The following TSPEAR variants were observed in gnomAD, a reference collection of about 807,000 sequenced individuals.
TSPEAR encodes the protein thrombospondin type laminin G domain and EAR repeats, also known as thrombospondin-type laminin G domain and EAR repeat-containing protein.
In TSPEAR, 69 loss-of-function variants were observed where a neutral mutation model predicts 71.6. The observed-to-expected ratio is 0.96, with a 90% CI of 0.79 to 1.18. TSPEAR has a LOEUF of 1.18. Ranked by LOEUF, TSPEAR falls within the 50% of genes most tolerant of loss-of-function variation. The probability of loss-of-function intolerance (pLI) is 0.00; values close to 1 mark genes in which losing one functional copy is unlikely to be tolerated. For synonymous variants in TSPEAR, 402 were observed against 387.2 expected (o/e 1.04, Z -0.45); for missense variants, 971 against 894.9 (o/e 1.09, Z -1.09).
intron 1 of TSPEAR, among the ~76,000 whole-genome samples, chr21:44,586,448 T>A (rs184093041): frequency 4.1e-4 from 62 of 152,210 alleles, no homozygotes; most frequent in African/African-American, 1.2e-3. Flanking sequence ...ACAGAGGGCT[T>A]AGGCTTTTAA....
chr21:44,675,710 G>A (rs1291716203), intron 1 of TSPEAR, among the ~76,000 whole-genome samples: 1 of 152,210 alleles, frequency 6.6e-6, no homozygotes, highest in Non-Finnish European at 1.5e-5. Flanking sequence ...ATGATAGCAA[G>A]TGGAAAGAAT....
chr21:44,664,231 T>C (rs1249817669), intron 1 of TSPEAR, among the ~76,000 whole-genome samples: 1 of 152,118 alleles, frequency 6.6e-6, no homozygotes, highest in African/African-American at 2.4e-5. Context: ...AGTAAGTGAA[T>C]TTAACAAGGT....
intron 1 of TSPEAR, chr21:44,697,666 C>G: frequency 6.2e-7 from 1 of 1,613,368 alleles, no homozygotes. Context: ...GTGTGCCCGT[C>G]TGCTGCAAGC....
At position 44,696,263 on chromosome 21, in the gene TSPEAR, C is replaced by A. The variant is rs80067228; in HGVS notation, c.82+15170G>T. ...ACCGCCATGTCTAAACCATGCTCCGCCCCGCTCTTCTCACACAATCTGGGT... is the reference window on the plus strand; with the variant it reads ...ACCGCCATGTCTAAACCATGCTCCGACCCGCTCTTCTCACACAATCTGGGT... On this transcript the variant is annotated intron_variant, in intron 1 of 11. Coordinates refer to ENST00000323084, the MANE Select transcript of TSPEAR (RefSeq NM_144991.3). Among the ~76,000 whole-genome samples the A allele has an allele frequency of 0.016, 2,474 of 152,304 alleles. 190 individuals are homozygous for A. In the East Asian group the frequency reaches 0.19, roughly 12 times the overall value.
At chr21:44,580,076 C>T (rs782502090) in intron 1 of TSPEAR, 1 of 1,613,636 alleles carries the variant, frequency 6.2e-7, no homozygotes, top group Non-Finnish European at 8.5e-7. Flanking sequence ...GGACTGCTGG[C>T]AGGGGGAGGA....
At chr21:44,510,582 TCCGGCGCCTGCCCGG>T (rs1423002235) in intron 9 of TSPEAR, 21 of 152,394 alleles carry the variant, frequency 1.4e-4, no homozygotes, top group African/African-American at 4.3e-4. Context: ...CCCCTGACTG[TCCGGCGCCTGCCCGG>T]CCGGCTCAGG....
Position 44,525,807 on chromosome 21 carries a change from A to G in TSPEAR, c.1182T>C (p.Asp394=). ...TGACAGAGAACTCCTGACCCTTCTC[A>G]TCTGGTTCAAAATTAGCCACTGCCA... The part of the protein sequence containing the change: ...IFLAVANFEP[D]EKGQEFSVIY... Residue 394 remains aspartate (D), a synonymous_variant, in exon 8 of 12, where the codon GAT becomes GAC. Transcript: ENST00000323084. The G allele has an allele frequency of 1.2e-6, 2 of 1,613,842 alleles. No individual in the cohort carries two copies. The highest frequency in any genetic ancestry group is 1.7e-6 in the Non-Finnish European group (2 of 1,179,840).
intron 1 of TSPEAR, among the ~76,000 whole-genome samples, chr21:44,615,516 C>A (rs8128303): frequency 0.018 from 2,740 of 150,922 alleles, 76 homozygotes; most frequent in African/African-American, 0.053. Flanking sequence ...CACCACCCAG[C>A]TTAACCAGAT....
At chr21:44,555,947 G>A (rs587658396) in intron 2 of TSPEAR, among the ~76,000 whole-genome samples, 88 of 152,346 alleles carry the variant, frequency 5.8e-4, no homozygotes, top group African/African-American at 2.1e-3. Context: ...ACATGCCATC[G>A]AAACTGCAAA....
chr21:44,551,536 G>C (rs587766307), intron 2 of TSPEAR: 2 of 1,532,284 alleles, frequency 1.3e-6, no homozygotes, highest in Non-Finnish European at 1.8e-6. Flanking sequence ...GTGAGTGTGT[G>C]TGTGAGCCTG....
Position 44,666,757 on chromosome 21 carries a change from C to T in TSPEAR, c.82+44676G>A, listed in dbSNP as rs200384490. The T allele has an allele frequency of 2.7e-5, 43 of 1,613,870 alleles. No individual in the cohort carries two copies. The highest frequency in any genetic ancestry group is 4.5e-5 in the East Asian group (2 of 44,884). On this transcript the variant is annotated intron_variant, in intron 1 of 11. Transcript: ENST00000323084. The stretch of plus-strand genomic sequence containing the variant: ...GGCTTGAAGCTCACGGGCACACACA[C>T]GGAGGACTGGCAGCCCACAGGCACA...
chr21:44,694,760 C>T (rs1555950210), intron 1 of TSPEAR, among the ~76,000 whole-genome samples: 1 of 152,200 alleles, frequency 6.6e-6, no homozygotes. Context: ...ATAATGCACA[C>T]AAGGCTGCAG....
At chr21:44,557,730 C>T (rs587716167) in intron 2 of TSPEAR, 2 of 382,476 alleles carry the variant, frequency 5.2e-6, no homozygotes, top group Admixed American at 4.1e-5. Context: ...GCTCCCACCC[C>T]ACGCGGCACG....
At chr21:44,586,534 G>A (rs1043744120) in intron 1 of TSPEAR, among the ~76,000 whole-genome samples, 11 of 152,190 alleles carry the variant, frequency 7.2e-5, no homozygotes, top group East Asian at 1.9e-4. Flanking sequence ...TGTTTTTAGC[G>A]TATTCCCAGT....
At position 44,533,796 on chromosome 21, in the gene TSPEAR, C is replaced by T. The variant is rs782321685; in HGVS notation, c.431G>A (p.Arg144Gln). Residue 144 changes from arginine to glutamine, a missense_variant, in exon 3 of 12, where the codon CGA (arginine) becomes CAA (glutamine). By Grantham distance (43) the Arg-to-Gln change is conservative (BLOSUM62 1). Coordinates refer to ENST00000323084, the MANE Select transcript of TSPEAR (RefSeq NM_144991.3). ...CAGGGCCGGGCTGCGGAAGGACACT[C>T]GGGTCTGCCAGGCGCCGGCCGTGTC... Reference protein sequence around the residue: ...REDTAGAWQTRVSFRSPALVD... With the variant: ...REDTAGAWQTQVSFRSPALVD... 66 of 1,612,338 alleles carry T rather than the reference C, an allele frequency of 4.1e-5. No individual in the cohort carries two copies. The Admixed American group carries it at 6.8e-4, about 17-fold the overall frequency.
rs782300870 is a variant in TSPEAR, at chr21:44,533,826, C to T, written c.401G>A (p.Arg134His). 59 of 1,612,504 alleles carry T rather than the reference C, an allele frequency of 3.7e-5. No individual in the cohort carries two copies. Among genetic ancestry groups the T allele is most frequent in the South Asian group, 1.4e-4 (13 of 91,074 alleles). ...CTGCCAGGCGCCGGCCGTGTCCTCG[C>T]GAAGGAACAGGAAGTGCAGCTGGGC... The part of the protein sequence containing the change: ...SPAQLHFLFL[R>H]EDTAGAWQTR... Residue 134 changes from arginine (R) to histidine (H), a missense_variant, in exon 3 of 12, where the codon CGC (arginine) becomes CAC (histidine). Transcript: ENST00000323084.
At chr21:44,666,596 G>A (rs781856237) in intron 1 of TSPEAR, 10 of 1,612,888 alleles carry the variant, frequency 6.2e-6, no homozygotes, top group African/African-American at 4.0e-5. Context: ...GGCAGGAGGG[G>A]GCTGCACACA....
chr21:44,575,082 C>CCTGAATTGCCCTGAAAA (rs1978343837), intron 1 of TSPEAR: 2 of 1,447,782 alleles, frequency 1.4e-6, no homozygotes, highest in Middle Eastern at 2.4e-4. Context: ...AGCTGATAGT[C>CCTGAATTGCCCTGAAAA]GCGTCCTGAA....
intron 2 of TSPEAR, among the ~76,000 whole-genome samples, chr21:44,545,370 T>C (rs1248185178): frequency 2.0e-5 from 3 of 151,702 alleles, no homozygotes; most frequent in African/African-American, 7.3e-5. Flanking sequence ...TAAATTGACA[T>C]TCAGTAAAGA....
Sources: gnomAD v4.1 joint callset for allele counts (sites outside exome capture counted in the v4.1 genomes callset) on GRCh38, gnomAD v4.1.1 for gene constraint, MANE v1.5 for transcripts, NCBI Gene and HGNC (gene_info 2026-07-23, HGNC 2026-07-21) for gene names.